The following AGBL4 variants were observed in gnomAD, a reference collection of about 807,000 sequenced individuals.
The protein encoded by AGBL4 is AGBL carboxypeptidase 4.
AGBL4 carries 58 observed loss-of-function variants against 66.4 expected under a neutral mutation model. The ratio of observed to expected loss-of-function variants is 0.87; its 90% CI spans 0.71 to 1.09. AGBL4 has a LOEUF of 1.09. Ranked by LOEUF, AGBL4 falls within the 50% of genes least tolerant of loss-of-function variation. The probability of loss-of-function intolerance (pLI) is 0.00; values close to 1 mark genes in which losing one functional copy is unlikely to be tolerated. For missense variants in AGBL4, 579 were observed against 631.0 expected, an observed-to-expected ratio of 0.92 and a Z score of 0.88; for synonymous variants, 234 against 222.9, an observed-to-expected ratio of 1.05 and a Z score of -0.44.
At chr1:48,923,170 C>T (rs1029925800) in intron 5 of AGBL4, among the ~76,000 whole-genome samples, 14 of 152,076 alleles carry the variant, frequency 9.2e-5, no homozygotes, top group South Asian at 4.2e-4. Flanking sequence ...GACTTTCCAA[C>T]GCTTCCATTT....
intron 3 of AGBL4, among the ~76,000 whole-genome samples, chr1:49,538,076 T>C (rs1651742570): frequency 1.3e-5 from 2 of 152,192 alleles, no homozygotes; most frequent in South Asian, 4.1e-4. Context: ...TATCATTTGA[T>C]CTAGGAATCT....
chr1:48,542,817 T>G (rs1644095903), intron 11 of AGBL4, among the ~76,000 whole-genome samples: 2 of 152,240 alleles, frequency 1.3e-5, no homozygotes, highest in Non-Finnish European at 2.9e-5. Context: ...TAGTTTCTTT[T>G]GCTGTGCAGA....
chr1:49,446,794 C>T (rs550586384), intron 3 of AGBL4, among the ~76,000 whole-genome samples: 1 of 152,222 alleles, frequency 6.6e-6, no homozygotes, highest in East Asian at 1.9e-4. Flanking sequence ...GTAGGAAGTA[C>T]CTGAGGTAGA....
chr1:49,303,637 CT>C (rs999962779), intron 3 of AGBL4, among the ~76,000 whole-genome samples: 1 of 150,392 alleles, frequency 6.6e-6, no homozygotes, highest in South Asian at 2.1e-4. Context: ...TTTTCTTCTT[CT>C]TTTTTTTTCT....
intron 5 of AGBL4, among the ~76,000 whole-genome samples, chr1:49,022,551 G>A (rs1216990098): frequency 6.6e-6 from 1 of 151,896 alleles, no homozygotes; most frequent in African/African-American, 2.4e-5. Context: ...CTGGCTAATG[G>A]GGGAGACCCA....
intron 4 of AGBL4, among the ~76,000 whole-genome samples, chr1:49,223,531 C>T (rs1570122068): frequency 6.6e-6 from 1 of 152,272 alleles, no homozygotes. Flanking sequence ...TGACTTCTTA[C>T]AAGACTAACT....
intron 2 of AGBL4, among the ~76,000 whole-genome samples, chr1:49,798,140 G>A (rs1336780177): frequency 6.6e-6 from 1 of 152,176 alleles, no homozygotes; most frequent in Non-Finnish European, 1.5e-5. Flanking sequence ...AGAGGGGGAA[G>A]AATCGAATCT....
At chr1:48,565,617 T>G (rs1644464786) in intron 11 of AGBL4, among the ~76,000 whole-genome samples, 1 of 152,198 alleles carries the variant, frequency 6.6e-6, no homozygotes, top group Non-Finnish European at 1.5e-5. Context: ...TCTATTGCAG[T>G]TCAGTGGGTT....
chr1:49,003,491 G>T (rs1343711726), intron 5 of AGBL4, among the ~76,000 whole-genome samples: 3 of 152,148 alleles, frequency 2.0e-5, no homozygotes, highest in Admixed American at 2.0e-4. Context: ...AGAAAGAAGA[G>T]AATGTATATT....
intron 4 of AGBL4, among the ~76,000 whole-genome samples, chr1:49,069,531 G>T (rs1275216472): frequency 6.6e-6 from 1 of 151,924 alleles, no homozygotes; most frequent in Non-Finnish European, 1.5e-5. Context: ...TCAAAGATCA[G>T]ATGGTTGTAG....
intron 9 of AGBL4, 40 bp from the exon 10 acceptor site, chr1:48,591,025 T>C: frequency 6.4e-7 from 1 of 1,560,674 alleles, no homozygotes; most frequent in Non-Finnish European, 8.7e-7. Flanking sequence ...GTCTGGGCTG[T>C]AGAGCTTGTG....
At chr1:49,199,606 T>C (rs1368982944) in intron 4 of AGBL4, among the ~76,000 whole-genome samples, 1 of 152,208 alleles carries the variant, frequency 6.6e-6, no homozygotes, top group East Asian at 1.9e-4. Context: ...TGCTTTCTTA[T>C]GTAGACTACT....
At chr1:48,936,082 C>T (rs1224468273) in intron 5 of AGBL4, among the ~76,000 whole-genome samples, 2 of 144,236 alleles carry the variant, frequency 1.4e-5, no homozygotes, top group East Asian at 2.3e-4. Context: ...AGGCCAGGAG[C>T]TTGAGACCAA....
chr1:48,546,990 G>A (rs1644174377), intron 11 of AGBL4, among the ~76,000 whole-genome samples: 1 of 152,046 alleles, frequency 6.6e-6, no homozygotes, highest in Non-Finnish European at 1.5e-5. Context: ...CTCTGAGGAG[G>A]GGATATGAAC....
At chr1:49,099,473 C>T (rs901578716) in intron 4 of AGBL4, among the ~76,000 whole-genome samples, 2 of 152,142 alleles carry the variant, frequency 1.3e-5, no homozygotes, top group African/African-American at 2.4e-5. Flanking sequence ...ATCAGCACCT[C>T]AATCTCCTAA....
rs371932819 is a variant in AGBL4, at chr1:48,534,229, T to C, written c.1456A>G (p.Ser486Gly). 1.0e-5 allele frequency: 16 copies of C among 1,551,708 alleles called. No homozygotes were observed. In the African/African-American group the frequency reaches 2.2e-4, roughly 21 times the overall value. The change falls in exon 14 of 14, where the codon AGC becomes GGC. Residue 486 changes from serine (S) to glycine (G), a missense_variant. Physicochemically the swap from Ser to Gly is moderately conservative, Grantham distance 56. Coordinates refer to ENST00000371839, the MANE Select transcript of AGBL4 (RefSeq NM_032785.4). ...LRGPASNYPN[S>G]KGDKKSSVNH... ...ACTGAGCTCTTCTTGTCCCCTTTGC[T>C]GTTGGGGTAGTTGCTGGCTGGGCCC... is the stretch of plus-strand genomic sequence containing the variant.
At chr1:49,735,646 C>T (rs2124728481) in intron 2 of AGBL4, among the ~76,000 whole-genome samples, 2 of 152,068 alleles carry the variant, frequency 1.3e-5, no homozygotes, top group African/African-American at 4.8e-5. Context: ...AAATGGACTA[C>T]ACACCTAACA....
At chr1:48,914,137 C>T (rs770244091) in intron 5 of AGBL4, among the ~76,000 whole-genome samples, 15 of 152,002 alleles carry the variant, frequency 9.9e-5, no homozygotes, top group East Asian at 1.9e-4. Context: ...CTGTGGAGAA[C>T]GAGAAGAGAA....
intron 1 of AGBL4, among the ~76,000 whole-genome samples, chr1:49,879,930 C>A (rs986468386): frequency 7.0e-6 from 1 of 142,186 alleles, no homozygotes; most frequent in Admixed American, 7.2e-5. Context: ...ATTGCTGATA[C>A]CCTTTCTTCC....
Sources: allele counts gnomAD v4.1 joint callset (sites outside exome capture counted in the v4.1 genomes callset), GRCh38; gene constraint gnomAD v4.1.1; transcripts MANE v1.5; gene names NCBI Gene and HGNC (gene_info 2026-07-23, HGNC 2026-07-21).